The following GAP43 variants were observed in gnomAD, a reference collection of about 807,000 sequenced individuals.
The protein encoded by GAP43 is growth associated protein 43, also known as neuromodulin.
In GAP43, 6 loss-of-function variants were observed where a neutral mutation model predicts 18.6. The ratio of observed to expected loss-of-function variants is 0.32; its 90% CI spans 0.18 to 0.64. The LOEUF (loss-of-function observed/expected upper bound fraction) is 0.64, where lower values mean the gene tolerates loss of function less well. Among genes scored for constraint, GAP43 ranks in the 30% least tolerant of loss-of-function variants. The probability of loss-of-function intolerance (pLI) is 0.78; values close to 1 mark genes in which losing one functional copy is unlikely to be tolerated. For missense variants in GAP43, 292 were observed against 295.5 expected, an observed-to-expected ratio of 0.99 and a Z score of 0.09; for synonymous variants, 115 against 111.4, an observed-to-expected ratio of 1.03 and a Z score of -0.20.
intron 1 of GAP43, among the ~76,000 whole-genome samples, chr3:115,667,061 G>C (rs954630015): frequency 5.3e-5 from 8 of 152,174 alleles, no homozygotes; most frequent in Non-Finnish European, 1.0e-4. Context: ...TTCACACACA[G>C]AGAGTTTACA....
chr3:115,645,232 A>G (rs901793734), intron 1 of GAP43, among the ~76,000 whole-genome samples: 1 of 152,022 alleles, frequency 6.6e-6, no homozygotes, highest in Non-Finnish European at 1.5e-5. Flanking sequence ...TACAGGATTC[A>G]TTAATTATTT....
At chr3:115,691,055 C>T (rs1709105614) in intron 2 of GAP43, among the ~76,000 whole-genome samples, 1 of 151,434 alleles carries the variant, frequency 6.6e-6, no homozygotes, top group Admixed American at 6.6e-5. Flanking sequence ...GCGCCTGGCC[C>T]CCTCTGGGCA....
At chr3:115,627,742 GCAAC>G (rs1461450245) in intron 1 of GAP43, among the ~76,000 whole-genome samples, 1 of 152,100 alleles carries the variant, frequency 6.6e-6, no homozygotes, top group African/African-American at 2.4e-5. Flanking sequence ...AGGCATTAGG[GCAAC>G]CAAGCAGTGG....
chr3:115,652,150 C>T (rs1311835408), intron 1 of GAP43, among the ~76,000 whole-genome samples: 1 of 152,062 alleles, frequency 6.6e-6, no homozygotes, highest in African/African-American at 2.4e-5. Flanking sequence ...GAGTCCATCA[C>T]CTTTCCCCAA....
At chr3:115,688,022 T>C (rs894624589) in intron 2 of GAP43, among the ~76,000 whole-genome samples, 7 of 151,828 alleles carry the variant, frequency 4.6e-5, no homozygotes, top group Admixed American at 3.9e-4. Context: ...TATTTATTTA[T>C]TTATTTATGT....
At chr3:115,683,574 G>A (rs1036348849) in intron 2 of GAP43, among the ~76,000 whole-genome samples, 19 of 147,306 alleles carry the variant, frequency 1.3e-4, no homozygotes, top group African/African-American at 4.2e-4. Flanking sequence ...AGTGGCTATA[G>A]CCTATAGACA....
At chr3:115,658,844 G>C (rs1320537925) in intron 1 of GAP43, 1 of 152,342 alleles carries the variant, frequency 6.6e-6, no homozygotes, top group African/African-American at 2.4e-5. Context: ...CGCGGGAGGA[G>C]GGCACCCAGG....
chr3:115,689,622 G>A (rs1231293732), intron 2 of GAP43, among the ~76,000 whole-genome samples: 1 of 152,168 alleles, frequency 6.6e-6, no homozygotes, highest in African/African-American at 2.4e-5. Flanking sequence ...GACACTCTGA[G>A]TCTGAATGAG....
Position 115,652,356 on chromosome 3 carries a change from C to CTTTTTTTTTTTTTTTTTTTTTTTTTT in GAP43, c.31-23653_31-23628dup, listed in dbSNP as rs71141831. ...TTCCTGATGATTCTTATCCAGCATTCTTTTTTTTTTTTTTTTTTTTTTTTT... is the reference window on the plus strand; with the variant it reads ...TTCCTGATGATTCTTATCCAGCATTCTTTTTTTTTTTTTTTTTTTTTTTTTTTTTTTTTTTTTTTTTTTTTTTTTTT... On this transcript the variant is annotated intron_variant, in intron 1 of 2. Transcript: ENST00000305124. 8.9e-4 allele frequency among the ~76,000 whole-genome samples: 39 copies of CTTTTTTTTTTTTTTTTTTTTTTTTTT among 43,808 alleles called. 11 individuals are homozygous for CTTTTTTTTTTTTTTTTTTTTTTTTTT. The highest frequency in any genetic ancestry group is 2.7e-3 in the East Asian group (3 of 1,104). 28.7% of individuals were successfully genotyped at this position (43,808 alleles called of 152,430 possible). A position where few individuals can be genotyped will look rare whatever the true frequency, so the allele number is the denominator to read the frequency against.
At chr3:115,671,798 A>C (rs1708817654) in intron 1 of GAP43, among the ~76,000 whole-genome samples, 1 of 152,226 alleles carries the variant, frequency 6.6e-6, no homozygotes, top group African/African-American at 2.4e-5. Flanking sequence ...TAGCCATTAG[A>C]TAGCAGGATT....
intron 2 of GAP43, among the ~76,000 whole-genome samples, chr3:115,687,209 A>C (rs1209777594): frequency 1.3e-5 from 2 of 151,728 alleles, no homozygotes; most frequent in Non-Finnish European, 2.9e-5. Context: ...GAAATTTCTC[A>C]GCTACTTATT....
At chr3:115,645,181 G>A (rs1297478914) in intron 1 of GAP43, among the ~76,000 whole-genome samples, 1 of 151,902 alleles carries the variant, frequency 6.6e-6, no homozygotes, top group Non-Finnish European at 1.5e-5. Context: ...TAAATTAAAG[G>A]ATATAGGGTA....
At chr3:115,703,965 G>T (rs1465097954) in intron 2 of GAP43, among the ~76,000 whole-genome samples, 1 of 151,966 alleles carries the variant, frequency 6.6e-6, no homozygotes. Flanking sequence ...TATAGTTCTG[G>T]TTGTGTTCCA....
Position 115,720,890 on chromosome 3 carries a change from G to T in GAP43, c.*8G>T. On this transcript the variant is annotated 3_prime_UTR_variant, in exon 3 of 3. Transcript: ENST00000305124. Reference sequence around the variant, plus strand: ...GACCAAGAACATGCCTGAACTCTAAGAAATGGCTTTCCACATCCCCACCCT... The same window carrying T: ...GACCAAGAACATGCCTGAACTCTAATAAATGGCTTTCCACATCCCCACCCT... 1 of 1,604,658 alleles carries T rather than the reference G, an allele frequency of 6.2e-7. No homozygotes were observed.
intron 1 of GAP43, among the ~76,000 whole-genome samples, chr3:115,659,187 T>C (rs971173888): frequency 6.6e-6 from 1 of 152,036 alleles, no homozygotes; most frequent in African/African-American, 2.4e-5. Context: ...TAAACAGCAA[T>C]GCTCTGTCTT....
At chr3:115,629,056 T>TA (rs1292938538) in intron 1 of GAP43, among the ~76,000 whole-genome samples, 1 of 152,202 alleles carries the variant, frequency 6.6e-6, no homozygotes, top group Admixed American at 6.5e-5. Flanking sequence ...AACCTGAGAG[T>TA]AATCCTGAAT....
intron 1 of GAP43, among the ~76,000 whole-genome samples, chr3:115,675,758 C>CAAAAAAA (rs67744380): frequency 2.0e-5 from 1 of 50,528 alleles, no homozygotes; most frequent in Non-Finnish European, 3.3e-5. Flanking sequence ...GACTCTATCT[C>CAAAAAAA]AAAAAAAAAA....
intron 1 of GAP43, among the ~76,000 whole-genome samples, chr3:115,668,624 A>T (rs932517636): frequency 2.0e-5 from 3 of 152,064 alleles, no homozygotes; most frequent in African/African-American, 4.8e-5. Flanking sequence ...GAGTTTCTCT[A>T]TGTTGGTCAG....
chr3:115,655,314 GA>G, intron 1 of GAP43, among the ~76,000 whole-genome samples: 1 of 152,238 alleles, frequency 6.6e-6, no homozygotes, highest in East Asian at 1.9e-4. Flanking sequence ...TGTTACCTTG[GA>G]CACAAGAATT....
Sources: allele counts gnomAD v4.1 joint callset (sites outside exome capture counted in the v4.1 genomes callset), GRCh38; gene constraint gnomAD v4.1.1; transcripts MANE v1.5; gene names NCBI Gene and HGNC (gene_info 2026-07-23, HGNC 2026-07-21).